Variants in CHST9 observed in about 807,000 individuals in gnomAD.
CHST9 encodes the protein GalNAc-4-sulfotransferase 2.
Under a neutral mutation model 44.4 loss-of-function variants are expected in CHST9, and 41 were observed. The observed-to-expected ratio is 0.92, with a 90% CI of 0.72 to 1.20. CHST9 has a LOEUF of 1.20. Among genes scored for constraint, CHST9 ranks in the 50% most tolerant of loss-of-function variants. The probability of loss-of-function intolerance (pLI) is 0.00; values close to 1 mark genes in which losing one functional copy is unlikely to be tolerated. For missense variants in CHST9, 504 were observed against 516.5 expected, an observed-to-expected ratio of 0.98 and a Z score of 0.23; for synonymous variants, 171 against 178.4, an observed-to-expected ratio of 0.96 and a Z score of 0.33.
At chr18:26,956,181 G>A (rs191853229) in intron 4 of CHST9, among the ~76,000 whole-genome samples, 310 of 151,040 alleles carry the variant, frequency 2.1e-3, no homozygotes, top group African/African-American at 7.1e-3. Flanking sequence ...GTGTGGTGGC[G>A]CACACCTGTA....
chr18:27,147,059 TA>T (rs936958253), intron 1 of CHST9, among the ~76,000 whole-genome samples: 3 of 151,714 alleles, frequency 2.0e-5, no homozygotes, highest in African/African-American at 7.3e-5. Flanking sequence ...AGCAGACATT[TA>T]TTTTTTTATT....
At chr18:27,028,029 C>T (rs1219623129) in intron 3 of CHST9, among the ~76,000 whole-genome samples, 1 of 152,148 alleles carries the variant, frequency 6.6e-6, no homozygotes, top group African/African-American at 2.4e-5. Flanking sequence ...GATTCTCCTG[C>T]CTCAGCCTCC....
intron 5 of CHST9, among the ~76,000 whole-genome samples, chr18:26,928,646 G>A (rs1411030839): frequency 6.6e-6 from 1 of 152,190 alleles, no homozygotes; most frequent in South Asian, 2.1e-4. Context: ...GTGGATTATT[G>A]AGCAAGTTAG....
chr18:26,994,582 G>C (rs982975220), intron 4 of CHST9, among the ~76,000 whole-genome samples: 3 of 151,980 alleles, frequency 2.0e-5, no homozygotes, highest in Non-Finnish European at 4.4e-5. Context: ...TGGATTTATT[G>C]ATTCTTTTTT....
At chr18:26,979,008 T>A (rs181864068) in intron 4 of CHST9, among the ~76,000 whole-genome samples, 15 of 151,284 alleles carry the variant, frequency 9.9e-5, no homozygotes, top group African/African-American at 2.4e-4. Context: ...CCGTTTTTTT[T>A]ATTTATTTTA....
chr18:27,109,277 A>G (rs1421806835), intron 2 of CHST9, among the ~76,000 whole-genome samples: 1 of 152,044 alleles, frequency 6.6e-6, no homozygotes, highest in African/African-American at 2.4e-5. Context: ...TTAAGACACC[A>G]GCACCTTTTT....
rs2055508668 is a variant in CHST9 at position 26,915,811 on chromosome 18, A to G, written c.*448T>C. ...ATGGATTTATCATTATAGTTGATAG[A>G]AAGATTTCCAGGGTGTAAGAAAACA... On this transcript the variant is annotated 3_prime_UTR_variant, in exon 6 of 6. Coordinates refer to ENST00000618847, the MANE Select transcript of CHST9 (RefSeq NM_031422.6). The G allele has an allele frequency of 6.5e-6, 1 of 154,180 alleles. No individual in the cohort carries two copies. The highest frequency in any genetic ancestry group is 2.0e-4 in the South Asian group (1 of 4,934). 9.6% of individuals were successfully genotyped at this position (154,180 alleles called of 1,614,324 possible). A position where few individuals can be genotyped will look rare whatever the true frequency, so the allele number is the denominator to read the frequency against.
rs764768308 is a variant in CHST9, at chr18:26,917,024, G to C, written c.567C>G (p.Tyr189Ter). 6.2e-7 allele frequency: 1 copy of C among 1,613,842 alleles called. No homozygotes were observed. Among genetic ancestry groups the C allele is most frequent in the Non-Finnish European group, 8.5e-7 (1 of 1,179,848 alleles). The change falls in exon 6 of 6, where the codon TAC (tyrosine) becomes TAG (stop). Residue 189 changes from tyrosine to a stop codon, truncating the protein, a stop_gained. Coordinates refer to ENST00000618847, the MANE Select transcript of CHST9 (RefSeq NM_031422.6). LOFTEE classifies it high-confidence loss of function. The stretch of plus-strand genomic sequence containing the variant: ...GTGACTGATGATGACTCACCCCACC[G>C]TATTTCTTGCAAAACTCCTGAAGGA... ...RSFLQEFCKK[Y>*]GGVSHHQSHL...
intron 4 of CHST9, among the ~76,000 whole-genome samples, chr18:26,970,838 A>T (rs2056533310): frequency 6.6e-6 from 1 of 152,208 alleles, no homozygotes; most frequent in South Asian, 2.1e-4. Context: ...CCATCACTGC[A>T]ATCAAAGAAA....
chr18:27,009,233 T>G (rs1416190071), intron 4 of CHST9, among the ~76,000 whole-genome samples: 1 of 152,164 alleles, frequency 6.6e-6, no homozygotes, highest in Non-Finnish European at 1.5e-5. Flanking sequence ...GACTACACTC[T>G]ATTTTATGGA....
chr18:27,156,839 G>A (rs1438046864), intron 1 of CHST9, among the ~76,000 whole-genome samples: 1 of 151,978 alleles, frequency 6.6e-6, no homozygotes, highest in African/African-American at 2.4e-5. Context: ...AATAGTTAAG[G>A]CTACATCTAT....
intron 4 of CHST9, among the ~76,000 whole-genome samples, chr18:26,980,693 C>G (rs865948033): frequency 1.1e-4 from 17 of 152,078 alleles, no homozygotes; most frequent in African/African-American, 3.9e-4. Flanking sequence ...CTAAGGCAAG[C>G]AGTCCTATCA....
At chr18:27,014,713 T>C (rs1386566157) in intron 4 of CHST9, among the ~76,000 whole-genome samples, 1 of 152,122 alleles carries the variant, frequency 6.6e-6, no homozygotes, top group Non-Finnish European at 1.5e-5. Context: ...AGTGATTGAT[T>C]GAAAAATATT....
chr18:27,182,486 CA>C (rs1246245065), intron 1 of CHST9, among the ~76,000 whole-genome samples: 1 of 151,868 alleles, frequency 6.6e-6, no homozygotes, highest in Non-Finnish European at 1.5e-5. Flanking sequence ...TCTTTTTCCT[CA>C]AAAAATATGA....
intron 4 of CHST9, among the ~76,000 whole-genome samples, chr18:26,971,117 ACAT>A (rs1194130728): frequency 6.6e-6 from 1 of 152,156 alleles, no homozygotes; most frequent in African/African-American, 2.4e-5. Context: ...GATTCTGAGC[ACAT>A]CTTCTGTTTC....
intron 1 of CHST9, among the ~76,000 whole-genome samples, chr18:27,170,500 C>T (rs1462825528): frequency 6.6e-6 from 1 of 152,116 alleles, no homozygotes; most frequent in East Asian, 1.9e-4. Flanking sequence ...AAAAGTAGGA[C>T]ACTTCAAAGA....
Position 27,024,099 on chromosome 18 carries a change from A to T in CHST9, c.202+17T>A. On this transcript the variant is annotated intron_variant, in intron 4 of 5. Coordinates refer to ENST00000618847, the MANE Select transcript of CHST9 (RefSeq NM_031422.6). ...TATAACTACCCAAGATTCAAACATT[A>T]TGAGGAAGTTACTCACTGATTCTGG... 1 of 1,610,150 alleles carries T rather than the reference A, an allele frequency of 6.2e-7. No individual in the cohort carries two copies. The highest frequency in any genetic ancestry group is 2.2e-5 in the East Asian group (1 of 44,812).
At chr18:27,123,979 C>G (rs1275650824) in intron 2 of CHST9, among the ~76,000 whole-genome samples, 2 of 152,094 alleles carry the variant, frequency 1.3e-5, no homozygotes, top group Non-Finnish European at 2.9e-5. Flanking sequence ...AGACGTATGC[C>G]CTTATGAAGT....
At chr18:27,016,451 C>G (rs1304649442) in intron 4 of CHST9, among the ~76,000 whole-genome samples, 1 of 152,218 alleles carries the variant, frequency 6.6e-6, no homozygotes, top group Non-Finnish European at 1.5e-5. Context: ...CCTGCACAGG[C>G]AGGCCCCTGT....
Sources: allele counts gnomAD v4.1 joint callset (sites outside exome capture counted in the v4.1 genomes callset), GRCh38; gene constraint gnomAD v4.1.1; transcripts MANE v1.5; gene names NCBI Gene and HGNC (gene_info 2026-07-23, HGNC 2026-07-21).